ECT2L: variants seen among roughly 807,000 people sequenced by gnomAD.
The protein encoded by ECT2L is epithelial cell transforming 2 like, also known as epithelial cell-transforming sequence 2 oncogene-like.
A neutral mutation model predicts 122.8 loss-of-function variants in ECT2L; 126 were observed. That is an observed-to-expected ratio of 1.03 (90% CI 0.89 to 1.19). The LOEUF (loss-of-function observed/expected upper bound fraction) is 1.19. Among genes scored for constraint, ECT2L ranks in the 50% most tolerant of loss-of-function variants. ECT2L has a pLI of 0.00. For synonymous variants in ECT2L, 385 were observed against 381.8 expected (o/e 1.01, Z -0.10); for missense variants, 1,012 against 1,064.1 (o/e 0.95, Z 0.68).
intron 4 of ECT2L, among the ~76,000 whole-genome samples, chr6:138,837,931 T>TA (rs1243932909): frequency 2.0e-5 from 3 of 151,422 alleles, no homozygotes; most frequent in Non-Finnish European, 4.4e-5. Context: ...GACAGAGTCT[T>TA]ACTCTGTTGC....
At chr6:138,852,390 CTATTTT>C (rs1210568751) in intron 9 of ECT2L, among the ~76,000 whole-genome samples, 11 of 150,352 alleles carry the variant, frequency 7.3e-5, no homozygotes, top group Admixed American at 5.3e-4. Flanking sequence ...CGTCTAGTTT[CTATTTT>C]TTTCTTATAG....
rs1777352773 is a variant in ECT2L at position 138,849,436 on chromosome 6, T to C, written c.1069+2T>C. ...GCAGAGAAATCAATTTACTCCAAGG[T>C]AGGCCTGGGGATTGGCGGATGAACA... On this transcript the variant is annotated splice_donor_variant, in intron 9 of 21. Transcript: ENST00000541398. LOFTEE classifies it high-confidence loss of function. 6.2e-7 allele frequency: 1 copy of C among 1,612,096 alleles called. No individual in the cohort carries two copies. The highest frequency in any genetic ancestry group is 1.1e-5 in the South Asian group (1 of 90,714).
At chr6:138,816,202 C>T (rs990730553) in intron 4 of ECT2L, among the ~76,000 whole-genome samples, 8 of 152,202 alleles carry the variant, frequency 5.3e-5, no homozygotes, top group Admixed American at 1.3e-4. Context: ...TCTAGGCTCA[C>T]GTATCATAAA....
chr6:138,893,013 G>A (rs1236491735), intron 20 of ECT2L, among the ~76,000 whole-genome samples: 1 of 152,094 alleles, frequency 6.6e-6, no homozygotes, highest in Admixed American at 6.5e-5. Context: ...AATAGGGTCT[G>A]AGCCTTACAG....
chr6:138,879,281 G>T, intron 14 of ECT2L: 1 of 223,956 alleles, frequency 4.5e-6, no homozygotes, highest in South Asian at 6.3e-5. Flanking sequence ...AAATTAATAT[G>T]AGCAGTTCTG....
chr6:138,898,639 CA>C (rs1396328115), intron 20 of ECT2L, among the ~76,000 whole-genome samples: 1 of 152,162 alleles, frequency 6.6e-6, no homozygotes, highest in Admixed American at 6.5e-5. Context: ...TAGCTCTACT[CA>C]ATCAGAATTT....
In ECT2L at chr6:138,887,354, G is replaced by A. The variant is rs141496004; in HGVS notation, c.2325+432G>A. 1.7e-3 allele frequency among the ~76,000 whole-genome samples: 254 copies of A among 152,010 alleles called. 1 individual carries two copies. Among genetic ancestry groups the A allele is most frequent in the African/African-American group, 6.0e-3 (247 of 41,466 alleles). On this transcript the variant is annotated intron_variant, in intron 19 of 21. Transcript: ENST00000541398. Reference sequence around the variant, plus strand: ...CCATTCTCCTTCCCCAGCCTCCCGAGTAGCTGGGACTACAGGTGTCCACCA... The same window carrying A: ...CCATTCTCCTTCCCCAGCCTCCCGAATAGCTGGGACTACAGGTGTCCACCA...
chr6:138,893,315 A>G (rs1779100707), intron 20 of ECT2L, among the ~76,000 whole-genome samples: 1 of 151,738 alleles, frequency 6.6e-6, no homozygotes, highest in African/African-American at 2.4e-5. Flanking sequence ...TTCTAGTACA[A>G]GTTTCCCTTG....
At chr6:138,841,327 T>C (rs1777031637) in intron 5 of ECT2L, among the ~76,000 whole-genome samples, 1 of 152,236 alleles carries the variant, frequency 6.6e-6, no homozygotes, top group South Asian at 2.1e-4. Flanking sequence ...AAAATTAATG[T>C]GATCCTTTGA....
intron 4 of ECT2L, among the ~76,000 whole-genome samples, chr6:138,817,617 T>G (rs1159948455): frequency 6.6e-6 from 1 of 152,184 alleles, no homozygotes; most frequent in Admixed American, 6.5e-5. Flanking sequence ...TTTTAAAAAA[T>G]TATTCATAAT....
intron 1 of ECT2L, among the ~76,000 whole-genome samples, chr6:138,803,863 A>G (rs1406785713): frequency 4.6e-5 from 7 of 152,228 alleles, no homozygotes; most frequent in Non-Finnish European, 2.9e-5. Context: ...TTGAAGTGTA[A>G]TAAGAGCAGA....
rs1779494359 is a variant in ECT2L, at chr6:138,903,993, T to G, written c.*1366T>G. 1.3e-5 allele frequency: 2 copies of G among 152,210 alleles called. No individual in the cohort carries two copies. The highest frequency in any genetic ancestry group is 2.9e-5 in the Non-Finnish European group (2 of 68,030). 9.4% of individuals were successfully genotyped at this position (152,210 alleles called of 1,614,324 possible). A position where few individuals can be genotyped will look rare whatever the true frequency, so the allele number is the denominator to read the frequency against. On this transcript the variant is annotated 3_prime_UTR_variant, in exon 22 of 22. Transcript: ENST00000541398. ...CTTCTATTTCTTAAAACTTTAAATC[T>G]TGTTAAAAAGATGAACAAAAGTTAA...
At chr6:138,808,087 G>A (rs1467943020) in intron 1 of ECT2L, among the ~76,000 whole-genome samples, 1 of 150,916 alleles carries the variant, frequency 6.6e-6, no homozygotes. Context: ...ATACTTGCTG[G>A]GTTTTCATGA....
chr6:138,835,576 C>T (rs979904533), intron 4 of ECT2L, among the ~76,000 whole-genome samples: 1 of 150,872 alleles, frequency 6.6e-6, no homozygotes, highest in African/African-American at 2.4e-5. Flanking sequence ...AAATAGTTAA[C>T]AGTTTAATAG....
rs972827535 is a variant in ECT2L at position 138,903,978 on chromosome 6, T to C, written c.*1351T>C. The C allele has an allele frequency of 1.3e-5, 2 of 152,188 alleles. No individual in the cohort carries two copies. The highest frequency in any genetic ancestry group is 2.4e-5 in the African/African-American group (1 of 41,442). The allele number at this position is 152,188 out of a possible 1,614,324, so 9.4% of individuals were successfully genotyped here. ...ATGAAAATACAAAATCTTCTATTTC[T>C]TAAAACTTTAAATCTTGTTAAAAAG... On this transcript the variant is annotated 3_prime_UTR_variant, in exon 22 of 22. Transcript: ENST00000541398.
At chr6:138,896,750 C>T (rs527433223) in intron 20 of ECT2L, among the ~76,000 whole-genome samples, 229 of 152,210 alleles carry the variant, frequency 1.5e-3, no homozygotes, top group African/African-American at 5.1e-3. Context: ...TGGGTTCAAG[C>T]GATTCTCCTG....
intron 12 of ECT2L, among the ~76,000 whole-genome samples, chr6:138,866,771 T>C (rs913269714): frequency 3.9e-5 from 6 of 152,212 alleles, no homozygotes; most frequent in African/African-American, 1.2e-4. Context: ...CTTTGGACTT[T>C]AAAATATTTA....
chr6:138,893,915 T>G (rs1157276343), intron 20 of ECT2L, among the ~76,000 whole-genome samples: 1 of 152,218 alleles, frequency 6.6e-6, no homozygotes, highest in Non-Finnish European at 1.5e-5. Flanking sequence ...TAAGCTTTGA[T>G]TCTCTGTAGC....
chr6:138,827,781 A>T (rs543023047), intron 4 of ECT2L, among the ~76,000 whole-genome samples: 1 of 151,822 alleles, frequency 6.6e-6, no homozygotes, highest in African/African-American at 2.4e-5. Context: ...CTGGTTTCAA[A>T]CTCCTGACCT....
Sources: gnomAD v4.1 joint callset for allele counts (sites outside exome capture counted in the v4.1 genomes callset) on GRCh38, gnomAD v4.1.1 for gene constraint, MANE v1.5 for transcripts, NCBI Gene and HGNC (gene_info 2026-07-23, HGNC 2026-07-21) for gene names.